Variants in DENND1A observed in about 807,000 individuals in gnomAD.
The protein encoded by DENND1A is DENN domain-containing protein 1A.
In DENND1A, 51 loss-of-function variants were observed where a neutral mutation model predicts 113.7. The observed-to-expected ratio is 0.45, with a 90% confidence interval of 0.36 to 0.57. DENND1A has a LOEUF of 0.57. Among genes scored for constraint, DENND1A ranks in the 20% least tolerant of loss-of-function variants. The pLI is 0.00. For missense variants in DENND1A, 1,258 were observed against 1,395.9 expected (o/e 0.90, Z 1.57); for synonymous variants, 565 against 570.8 (o/e 0.99, Z 0.14).
intron 12 of DENND1A, among the ~76,000 whole-genome samples, chr9:123,575,821 A>G (rs1405435559): frequency 6.6e-6 from 1 of 152,176 alleles, no homozygotes; most frequent in Non-Finnish European, 1.5e-5. Context: ...TGGCTGGTAT[A>G]TCTTTTTTAT....
intron 11 of DENND1A, among the ~76,000 whole-genome samples, chr9:123,589,520 C>T (rs760978013): frequency 1.6e-4 from 24 of 151,392 alleles, no homozygotes; most frequent in Admixed American, 1.2e-3. Flanking sequence ...TGCGGCACAC[C>T]GAGACAGCTC....
At position 123,757,801 on chromosome 9, in the gene DENND1A, G is replaced by A; in HGVS notation, c.204C>T (p.Gly68=). The A allele has an allele frequency of 6.2e-7, 1 of 1,613,872 alleles. No homozygotes were observed. Among genetic ancestry groups the A allele is most frequent in the Non-Finnish European group, 8.5e-7 (1 of 1,179,948 alleles). The change falls in exon 5 of 24, where the codon GGC becomes GGT. Residue 68 remains glycine, a synonymous_variant. Transcript: ENST00000394215. ...CAGTGAGCACGAATGTGAAGTTCTGGCCAACTTGGCTAACTGTGAGGCTGC... is the reference window on the plus strand; with the variant it reads ...CAGTGAGCACGAATGTGAAGTTCTGACCAACTTGGCTAACTGTGAGGCTGC... The part of the protein sequence containing the change: ...YVDSLTVSQV[G]QNFTFVLTDI...
At chr9:123,711,500 T>TGTATATAA in intron 5 of DENND1A, among the ~76,000 whole-genome samples, 1 of 75,386 alleles carries the variant, frequency 1.3e-5, no homozygotes, top group African/African-American at 8.0e-5. Context: ...TATATATATA[T>TGTATATAA]ATATGTATAT....
At chr9:123,719,850 G>A (rs866937368) in intron 5 of DENND1A, among the ~76,000 whole-genome samples, 7 of 152,122 alleles carry the variant, frequency 4.6e-5, no homozygotes, top group African/African-American at 7.2e-5. Context: ...GTCAGGTGTG[G>A]AATTTCCCAC....
chr9:123,750,545 G>T (rs1376373533), intron 5 of DENND1A, among the ~76,000 whole-genome samples: 1 of 152,226 alleles, frequency 6.6e-6, no homozygotes, highest in Non-Finnish European at 1.5e-5. Context: ...GAGACCCACA[G>T]TCGGTGAAAT....
At chr9:123,803,177 C>T (rs1241356904) in intron 2 of DENND1A, among the ~76,000 whole-genome samples, 1 of 152,218 alleles carries the variant, frequency 6.6e-6, no homozygotes, top group Admixed American at 6.5e-5. Flanking sequence ...ACCCATATAG[C>T]TAACAGGGGG....
chr9:123,607,954 A>G (rs1337141099), intron 11 of DENND1A, among the ~76,000 whole-genome samples: 1 of 152,118 alleles, frequency 6.6e-6, no homozygotes, highest in African/African-American at 2.4e-5. Context: ...ACTCTACAGC[A>G]ATTGGCACTA....
intron 2 of DENND1A, among the ~76,000 whole-genome samples, chr9:123,845,670 C>CAAAAAAAAAAAAAAAAAA (rs555731367): frequency 6.8e-4 from 30 of 44,082 alleles, no homozygotes; most frequent in African/African-American, 2.0e-3. Flanking sequence ...AACCTGTCTC[C>CAAAAAAAAAAAAAAAAAA]AAAAAAAAAA....
At chr9:123,856,012 G>A (rs661843) in intron 2 of DENND1A, among the ~76,000 whole-genome samples, 13,090 of 152,112 alleles carry the variant, frequency 0.086, 969 homozygotes, top group African/African-American at 0.2. Context: ...ACTCCAGCCT[G>A]GGCAACAAGA....
intron 12 of DENND1A, among the ~76,000 whole-genome samples, chr9:123,566,657 A>G (rs2058067433): frequency 6.6e-6 from 1 of 152,192 alleles, no homozygotes; most frequent in Admixed American, 6.5e-5. Context: ...ATTTTAAAAC[A>G]AAACCAAAAA....
intron 13 of DENND1A, among the ~76,000 whole-genome samples, chr9:123,554,145 T>A (rs925022191): frequency 6.6e-6 from 1 of 152,316 alleles, no homozygotes; most frequent in South Asian, 2.1e-4. Flanking sequence ...CAAGGCACCA[T>A]CCTCCCCCCG....
intron 13 of DENND1A, among the ~76,000 whole-genome samples, chr9:123,543,993 A>G (rs982835281): frequency 6.6e-6 from 1 of 152,258 alleles, no homozygotes. Flanking sequence ...TTGTGCTAAC[A>G]AGGCTTGACT....
intron 13 of DENND1A, among the ~76,000 whole-genome samples, chr9:123,470,615 T>A (rs1397629446): frequency 1.3e-5 from 2 of 152,102 alleles, no homozygotes; most frequent in Non-Finnish European, 2.9e-5. Flanking sequence ...GCAATGGGAA[T>A]ATGAGACTCA....
chr9:123,903,916 G>A (rs572493205), intron 1 of DENND1A, among the ~76,000 whole-genome samples: 85 of 152,268 alleles, frequency 5.6e-4, no homozygotes, highest in Admixed American at 5.0e-3. Flanking sequence ...ACCTCTGGGG[G>A]AAGGGCACAG....
At chr9:123,918,250 A>G (rs925189201) in intron 1 of DENND1A, among the ~76,000 whole-genome samples, 1 of 151,678 alleles carries the variant, frequency 6.6e-6, no homozygotes, top group Admixed American at 6.6e-5. Flanking sequence ...GCACTTTGGG[A>G]GGCCAAGGCG....
At chr9:123,453,062 C>A (rs1168568671) in intron 16 of DENND1A, among the ~76,000 whole-genome samples, 1 of 152,178 alleles carries the variant, frequency 6.6e-6, no homozygotes, top group Non-Finnish European at 1.5e-5. Flanking sequence ...GTGGAGGGAC[C>A]TGAAGTGCAC....
intron 5 of DENND1A, among the ~76,000 whole-genome samples, chr9:123,687,529 C>T (rs1232594056): frequency 2.0e-5 from 3 of 152,146 alleles, no homozygotes; most frequent in Non-Finnish European, 4.4e-5. Context: ...TTAAAATAAG[C>T]GATAAGGCCA....
At chr9:123,808,764 A>G (rs1836037932) in intron 2 of DENND1A, among the ~76,000 whole-genome samples, 2 of 152,292 alleles carry the variant, frequency 1.3e-5, no homozygotes, top group South Asian at 4.1e-4. Flanking sequence ...TCCTTAGAAA[A>G]GGTGAGACAT....
At chr9:123,433,433 C>T (rs142452959) in intron 19 of DENND1A, among the ~76,000 whole-genome samples, 1 of 152,240 alleles carries the variant, frequency 6.6e-6, no homozygotes, top group African/African-American at 2.4e-5. Context: ...TATGTGTGAG[C>T]CTGTGTGTGT....
Sources: allele counts gnomAD v4.1 joint callset (sites outside exome capture counted in the v4.1 genomes callset), GRCh38; gene constraint gnomAD v4.1.1; transcripts MANE v1.5; gene names NCBI Gene and HGNC (gene_info 2026-07-23, HGNC 2026-07-21).